GNG12: variants seen among roughly 807,000 people sequenced by gnomAD.
The protein encoded by GNG12 is guanine nucleotide-binding protein G(I)/G(S)/G(O) subunit gamma-12.
For missense variants in GNG12, 69 were observed against 83.8 expected (o/e 0.82, Z 0.69); for synonymous variants, 28 against 29.7 (o/e 0.94, Z 0.19).
At chr1:67,710,000 T>TTA (rs1175873397) in intron 2 of GNG12, among the ~76,000 whole-genome samples, 1 of 30,000 alleles carries the variant, frequency 3.3e-5, no homozygotes, top group African/African-American at 1.4e-4. Flanking sequence ...ATATATATAG[T>TTA]TATATATATA....
At chr1:67,728,443 T>G (rs1052181065) in intron 2 of GNG12, among the ~76,000 whole-genome samples, 6 of 152,228 alleles carry the variant, frequency 3.9e-5, no homozygotes, top group Non-Finnish European at 8.8e-5. Context: ...AGAGATATTC[T>G]GCACCCCTTG....
intron 1 of GNG12, among the ~76,000 whole-genome samples, chr1:67,808,591 T>TAATA (rs1646906568): frequency 6.6e-6 from 1 of 152,078 alleles, no homozygotes; most frequent in South Asian, 2.1e-4. Context: ...TAGTGAGAAA[T>TAATA]AATAGCAAGG....
chr1:67,824,492 A>G (rs1273531890), intron 1 of GNG12, among the ~76,000 whole-genome samples: 25 of 135,648 alleles, frequency 1.8e-4, no homozygotes, highest in African/African-American at 6.5e-4. Context: ...CCAGGATGAC[A>G]GACTGAGATC....
intron 3 of GNG12, among the ~76,000 whole-genome samples, chr1:67,706,440 G>A (rs911885031): frequency 1.3e-5 from 2 of 152,116 alleles, no homozygotes; most frequent in African/African-American, 4.8e-5. Context: ...CCTTACTCCC[G>A]CATGAATTAA....
At chr1:67,817,980 T>G (rs1315058777) in intron 1 of GNG12, among the ~76,000 whole-genome samples, 5 of 151,574 alleles carry the variant, frequency 3.3e-5, no homozygotes, top group Admixed American at 2.0e-4. Flanking sequence ...AGCGATAGGG[T>G]TTCACTAGGT....
At chr1:67,713,128 A>G (rs1444568696) in intron 2 of GNG12, among the ~76,000 whole-genome samples, 1 of 152,178 alleles carries the variant, frequency 6.6e-6, no homozygotes, top group East Asian at 1.9e-4. Context: ...CTTCTCATGC[A>G]TGCAAGCTAA....
intron 1 of GNG12, 103 bp downstream of exon 1, chr1:67,833,241 G>A (rs1203565286): frequency 9.0e-6 from 2 of 222,312 alleles, no homozygotes; most frequent in Non-Finnish European, 1.5e-5. Context: ...CCCAGCACCC[G>A]GGACTCGGAG....
intron 1 of GNG12, among the ~76,000 whole-genome samples, chr1:67,797,286 A>G (rs1557620974): frequency 6.6e-6 from 1 of 152,078 alleles, no homozygotes; most frequent in Non-Finnish European, 1.5e-5. Context: ...TTCCAAAATT[A>G]TTTTTCTACT....
chr1:67,815,740 G>A (rs1325968707), intron 1 of GNG12, among the ~76,000 whole-genome samples: 2 of 152,102 alleles, frequency 1.3e-5, no homozygotes, highest in African/African-American at 4.8e-5. Flanking sequence ...TCAGAGGGCC[G>A]GCATGAGGGA....
chr1:67,784,896 C>CACGCTGATT (rs1646759447), intron 1 of GNG12, among the ~76,000 whole-genome samples: 1 of 152,116 alleles, frequency 6.6e-6, no homozygotes, highest in Non-Finnish European at 1.5e-5. Context: ...AATTTATATC[C>CACGCTGATT]ACGCTGATCA....
At chr1:67,807,030 C>G (rs1335711759) in intron 1 of GNG12, among the ~76,000 whole-genome samples, 1 of 152,066 alleles carries the variant, frequency 6.6e-6, no homozygotes, top group Non-Finnish European at 1.5e-5. Flanking sequence ...AGAGACCACA[C>G]ACTGGGCCAT....
chr1:67,713,080 G>C (rs1646305680), intron 2 of GNG12, among the ~76,000 whole-genome samples: 1 of 152,140 alleles, frequency 6.6e-6, no homozygotes, highest in African/African-American at 2.4e-5. Flanking sequence ...CCTAAAGTAG[G>C]GGGCTTGCTG....
At chr1:67,794,671 T>C (rs1455900945) in intron 1 of GNG12, among the ~76,000 whole-genome samples, 1 of 152,220 alleles carries the variant, frequency 6.6e-6, no homozygotes, top group Non-Finnish European at 1.5e-5. Flanking sequence ...AGTCTTGATA[T>C]ATATAAGATG....
chr1:67,795,310 T>C (rs528948394), intron 1 of GNG12, among the ~76,000 whole-genome samples: 21 of 152,292 alleles, frequency 1.4e-4, no homozygotes, highest in Admixed American at 1.3e-3. Flanking sequence ...CACCTAGAAG[T>C]CTGACGGACA....
intron 1 of GNG12, among the ~76,000 whole-genome samples, chr1:67,813,342 T>C (rs1234876948): frequency 6.6e-6 from 1 of 152,202 alleles, no homozygotes; most frequent in Non-Finnish European, 1.5e-5. Context: ...AACCTACACC[T>C]ACATGATAAA....
chr1:67,750,957 A>T (rs1044392819), intron 2 of GNG12, among the ~76,000 whole-genome samples: 1 of 152,240 alleles, frequency 6.6e-6, no homozygotes, highest in African/African-American at 2.4e-5. Context: ...TACTTTAAAA[A>T]TAACACTAAC....
chr1:67,814,544 CA>C (rs1209230846), intron 1 of GNG12, among the ~76,000 whole-genome samples: 1 of 152,192 alleles, frequency 6.6e-6, no homozygotes, highest in Non-Finnish European at 1.5e-5. Context: ...AATGAATTTA[CA>C]TAAGTGATTG....
chr1:67,815,134 A>T (rs1646946165), intron 1 of GNG12, among the ~76,000 whole-genome samples: 1 of 152,214 alleles, frequency 6.6e-6, no homozygotes, highest in African/African-American at 2.4e-5. Context: ...TGGAAATTCA[A>T]TCCAAACAAA....
chr1:67,743,992 T>C (rs1570506511), intron 2 of GNG12, among the ~76,000 whole-genome samples: 1 of 152,036 alleles, frequency 6.6e-6, no homozygotes, highest in African/African-American at 2.4e-5. Context: ...TTTGAGTGAG[T>C]TTTTGTGTGT....
Sources: gnomAD v4.1 joint callset for allele counts (sites outside exome capture counted in the v4.1 genomes callset) on GRCh38, gnomAD v4.1.1 for gene constraint, MANE v1.5 for transcripts, NCBI Gene and HGNC (gene_info 2026-07-23, HGNC 2026-07-21) for gene names.